PCDH9: variants seen among roughly 807,000 people sequenced by gnomAD.
PCDH9 encodes protocadherin-9.
PCDH9 carries 24 observed loss-of-function variants against 70.6 expected under a neutral mutation model. The observed-to-expected ratio is 0.34, with a 90% CI of 0.25 to 0.48. The LOEUF (loss-of-function observed/expected upper bound fraction) is 0.48. PCDH9 is among the 20% of genes least tolerant of loss of function. PCDH9 has a pLI of 0.99. For synonymous variants in PCDH9, 562 were observed against 558.5 expected, an observed-to-expected ratio of 1.01 and a Z score of -0.09; for missense variants, 1,281 against 1,503.6, an observed-to-expected ratio of 0.85 and a Z score of 2.45.
chr13:66,576,596 T>G (rs1404436569), intron 4 of PCDH9, among the ~76,000 whole-genome samples: 1 of 152,124 alleles, frequency 6.6e-6, no homozygotes, highest in Admixed American at 6.6e-5. Flanking sequence ...CTAATCTGTT[T>G]TGTTTTGGAA....
chr13:66,885,885 T>C (rs1403616057), intron 3 of PCDH9: 1 of 152,186 alleles, frequency 6.6e-6, no homozygotes, highest in East Asian at 1.9e-4. Context: ...TAAAAACTAA[T>C]TTGTATTTAA....
At chr13:67,107,073 G>T (rs993041338) in intron 2 of PCDH9, among the ~76,000 whole-genome samples, 1 of 152,128 alleles carries the variant, frequency 6.6e-6, no homozygotes. Flanking sequence ...GGAAAGGGGC[G>T]GATCCCCAGT....
chr13:67,067,502 C>A (rs2085671268), intron 2 of PCDH9, among the ~76,000 whole-genome samples: 1 of 151,978 alleles, frequency 6.6e-6, no homozygotes, highest in Admixed American at 6.6e-5. Flanking sequence ...ACCTGTGGAT[C>A]ACAGCTACCC....
chr13:66,501,790 A>G (rs1047151537), intron 4 of PCDH9, among the ~76,000 whole-genome samples: 1 of 152,116 alleles, frequency 6.6e-6, no homozygotes, highest in African/African-American at 2.4e-5. Flanking sequence ...ACCTTTGGGG[A>G]CCCTTTTTAA....
intron 4 of PCDH9, among the ~76,000 whole-genome samples, chr13:66,420,807 G>A (rs1957553555): frequency 6.6e-6 from 1 of 152,076 alleles, no homozygotes; most frequent in African/African-American, 2.4e-5. Flanking sequence ...TCACCAGCAA[G>A]GGAGTAAAAC....
At chr13:66,516,747 T>C (rs1192919263) in intron 4 of PCDH9, among the ~76,000 whole-genome samples, 1 of 151,956 alleles carries the variant, frequency 6.6e-6, no homozygotes, top group African/African-American at 2.4e-5. Flanking sequence ...ACTCTCTCTT[T>C]CTCTCTGTGT....
At chr13:67,029,126 G>A (rs949533008) in intron 2 of PCDH9, among the ~76,000 whole-genome samples, 3 of 152,082 alleles carry the variant, frequency 2.0e-5, no homozygotes, top group African/African-American at 7.2e-5. Flanking sequence ...AGCAGGCCAA[G>A]AAAGACTAAA....
At chr13:67,191,758 C>G (rs56342611) in intron 2 of PCDH9, among the ~76,000 whole-genome samples, 383 of 152,190 alleles carry the variant, frequency 2.5e-3, no homozygotes, top group Middle Eastern at 3.4e-3. Context: ...TCCGGCCCCT[C>G]CCAAGAGCAT....
chr13:67,181,853 T>A (rs34892020), intron 2 of PCDH9, among the ~76,000 whole-genome samples: 14 of 152,198 alleles, frequency 9.2e-5, no homozygotes, highest in Non-Finnish European at 1.3e-4. Context: ...TTATTCTCTG[T>A]CTTCTAACAC....
At chr13:66,491,330 C>T (rs536889489) in intron 4 of PCDH9, among the ~76,000 whole-genome samples, 4 of 149,570 alleles carry the variant, frequency 2.7e-5, no homozygotes, top group East Asian at 2.0e-4. Context: ...CCACCTAGAA[C>T]GGAACAGATT....
chr13:66,740,668 G>A (rs1242895191), intron 3 of PCDH9, among the ~76,000 whole-genome samples: 6 of 151,344 alleles, frequency 4.0e-5, no homozygotes, highest in Non-Finnish European at 8.9e-5. Flanking sequence ...TATCACCACT[G>A]ATCCCACAGA....
intron 3 of PCDH9, among the ~76,000 whole-genome samples, chr13:66,735,507 G>A (rs1014368892): frequency 7.2e-5 from 11 of 151,948 alleles, no homozygotes; most frequent in Non-Finnish European, 1.3e-4. Context: ...AAATTTAATA[G>A]AATCATAAAT....
chr13:66,962,521 C>A (rs2083364938), intron 2 of PCDH9, among the ~76,000 whole-genome samples: 1 of 152,184 alleles, frequency 6.6e-6, no homozygotes, highest in Non-Finnish European at 1.5e-5. Flanking sequence ...CCACTATATA[C>A]CTAGGTTATA....
intron 4 of PCDH9, among the ~76,000 whole-genome samples, chr13:66,488,302 T>G (rs983081763): frequency 6.6e-6 from 1 of 152,090 alleles, no homozygotes; most frequent in African/African-American, 2.4e-5. Flanking sequence ...CTCTAGAAAT[T>G]CAAATGCAAT....
chr13:66,432,788 C>T (rs1390803003), intron 4 of PCDH9, among the ~76,000 whole-genome samples: 1 of 151,876 alleles, frequency 6.6e-6, no homozygotes, highest in African/African-American at 2.4e-5. Context: ...AAAATGATAA[C>T]ATGCATAAAA....
intron 2 of PCDH9, among the ~76,000 whole-genome samples, chr13:67,005,241 T>TAA (rs71772833): frequency 2.3e-4 from 34 of 148,754 alleles, no homozygotes; most frequent in East Asian, 2.2e-3. Flanking sequence ...CTGATCTCTT[T>TAA]AAAAAAAAAA....
rs529631098 is a variant in PCDH9, at chr13:67,149,270, G to A, written c.3036+76135C>T. ...GGTAGCATAATATAACAAAGACATG[G>A]GCTCCTGTTGCTGACGGCCTGAGCT... is the stretch of plus-strand genomic sequence containing the variant. On this transcript the variant is annotated intron_variant, in intron 2 of 4. Transcript: ENST00000377865. Among the ~76,000 whole-genome samples, 36 of 152,190 alleles carry A rather than the reference G, an allele frequency of 2.4e-4. No homozygotes were observed. In the South Asian group the frequency reaches 7.1e-3, roughly 30 times the overall value.
intron 4 of PCDH9, among the ~76,000 whole-genome samples, chr13:66,483,144 C>T (rs1323996495): frequency 1.3e-5 from 2 of 152,164 alleles, no homozygotes; most frequent in Non-Finnish European, 2.9e-5. Flanking sequence ...GTTAATTCAT[C>T]GGAACTGCGC....
intron 3 of PCDH9, among the ~76,000 whole-genome samples, chr13:66,708,759 T>A (rs79840176): frequency 0.018 from 2,705 of 152,280 alleles, 91 homozygotes; most frequent in African/African-American, 0.062. Flanking sequence ...ATTAAATCAC[T>A]GCCCCTGTAG....
Sources: gnomAD v4.1 joint callset for allele counts (sites outside exome capture counted in the v4.1 genomes callset) on GRCh38, gnomAD v4.1.1 for gene constraint, MANE v1.5 for transcripts, NCBI Gene and HGNC (gene_info 2026-07-23, HGNC 2026-07-21) for gene names.